RPA3: variants seen among roughly 807,000 people sequenced by gnomAD.
RPA3 encodes the protein replication protein A 14 kDa subunit.
Under a neutral mutation model 13.7 loss-of-function variants are expected in RPA3, and 24 were observed. The ratio of observed to expected loss-of-function variants is 1.75; its 90% CI spans 1.27 to 2.46. The LOEUF (loss-of-function observed/expected upper bound fraction) is 2.46. RPA3 is among the 30% of genes most tolerant of loss of function. RPA3 has a pLI of 0.00. For missense variants in RPA3, 183 were observed against 151.0 expected, an observed-to-expected ratio of 1.21 and a Z score of -1.11; for synonymous variants, 59 against 51.2, an observed-to-expected ratio of 1.15 and a Z score of -0.65.
At chr7:7,691,551 G>A (rs1322453343) in intron 2 of RPA3, among the ~76,000 whole-genome samples, 1 of 152,176 alleles carries the variant, frequency 6.6e-6, no homozygotes, top group Non-Finnish European at 1.5e-5. Flanking sequence ...AGGAGAAGAT[G>A]GGAACTCTGC....
intron 2 of RPA3, among the ~76,000 whole-genome samples, chr7:7,695,981 GT>G (rs34880729): frequency 0.024 from 3,157 of 130,684 alleles, 108 homozygotes; most frequent in African/African-American, 0.084. Flanking sequence ...GTATATCTCC[GT>G]TTTTTTTTTT....
At chr7:7,668,206 C>A (rs550755420) in intron 4 of RPA3, among the ~76,000 whole-genome samples, 1 of 152,130 alleles carries the variant, frequency 6.6e-6, no homozygotes, top group South Asian at 2.1e-4. Flanking sequence ...AGCCACCATG[C>A]CTGGTCCTAC....
chr7:7,694,324 A>G (rs1195882096), intron 2 of RPA3, among the ~76,000 whole-genome samples: 1 of 152,162 alleles, frequency 6.6e-6, no homozygotes, highest in Non-Finnish European at 1.5e-5. Flanking sequence ...TAATCACATC[A>G]GGGTAAATGG....
chr7:7,664,469 G>C (rs12702633), intron 4 of RPA3, among the ~76,000 whole-genome samples: 23,071 of 152,082 alleles, frequency 0.15, 2,158 homozygotes, highest in Middle Eastern at 0.23. Flanking sequence ...CTTTCCTGAC[G>C]CTTACAACTC....
intron 2 of RPA3, among the ~76,000 whole-genome samples, chr7:7,703,287 T>A (rs750513002): frequency 1.3e-5 from 2 of 152,218 alleles, no homozygotes; most frequent in Non-Finnish European, 1.5e-5. Context: ...TCCTGAATTA[T>A]GGAATTCGTG....
chr7:7,683,196 C>G (rs968900894), intron 4 of RPA3, among the ~76,000 whole-genome samples: 3 of 152,132 alleles, frequency 2.0e-5, no homozygotes, highest in African/African-American at 7.2e-5. Context: ...TTAGTTGACT[C>G]AAACGTAAAT....
chr7:7,705,967 T>C (rs1348188782), intron 2 of RPA3, among the ~76,000 whole-genome samples: 2 of 152,118 alleles, frequency 1.3e-5, no homozygotes, highest in African/African-American at 4.8e-5. Context: ...AAAAATAACC[T>C]CTGCTTTAAA....
chr7:7,666,971 C>T (rs988600924), intron 4 of RPA3, among the ~76,000 whole-genome samples: 1 of 152,168 alleles, frequency 6.6e-6, no homozygotes, highest in Non-Finnish European at 1.5e-5. Context: ...CCACATCCAG[C>T]TAATTTTTAT....
chr7:7,662,231 C>T (rs186308295), intron 4 of RPA3, among the ~76,000 whole-genome samples: 1 of 152,286 alleles, frequency 6.6e-6, no homozygotes, highest in African/African-American at 2.4e-5. Context: ...GCCAGTGGAT[C>T]TTAGCTTGCT....
chr7:7,675,128 G>A (rs1044707221), intron 4 of RPA3, among the ~76,000 whole-genome samples: 1 of 152,122 alleles, frequency 6.6e-6, no homozygotes, highest in Non-Finnish European at 1.5e-5. Flanking sequence ...GCCCCCCAAA[G>A]TGTTGGGATT....
At chr7:7,637,782 G>C in intron 7 of RPA3, 82 bp downstream of exon 7, 1 of 567,532 alleles carries the variant, frequency 1.8e-6, no homozygotes, top group Non-Finnish European at 3.2e-6. Flanking sequence ...AAAACTGTAT[G>C]TTATGTAATT....
intron 2 of RPA3, among the ~76,000 whole-genome samples, chr7:7,711,146 T>C (rs1229703111): frequency 6.6e-6 from 1 of 152,162 alleles, no homozygotes; most frequent in African/African-American, 2.4e-5. Context: ...AATATCCTGG[T>C]TGTGGTATTG....
intron 2 of RPA3, among the ~76,000 whole-genome samples, chr7:7,703,505 A>G (rs1010711280): frequency 1.3e-5 from 2 of 152,234 alleles, no homozygotes; most frequent in African/African-American, 4.8e-5. Context: ...ACATAATTTT[A>G]TAAACATCTT....
intron 3 of RPA3, among the ~76,000 whole-genome samples, 183 bp downstream of exon 3, chr7:7,687,033 GTCCTTTGAACTT>G (rs1280236634): frequency 3.3e-5 from 5 of 152,294 alleles, no homozygotes; most frequent in African/African-American, 9.6e-5. Context: ...TGCCATACCA[GTCCTTTGAACTT>G]TCCTTTGAAC....
At chr7:7,684,521 T>G (rs765431099) in intron 4 of RPA3, among the ~76,000 whole-genome samples, 9 of 152,094 alleles carry the variant, frequency 5.9e-5, no homozygotes, top group Non-Finnish European at 1.2e-4. Context: ...CACAAGCAAT[T>G]TTTTTTTCTG....
Position 7,636,801 on chromosome 7 carries a change from T to A in RPA3, c.*199A>T. 3.8e-6 allele frequency: 2 copies of A among 530,778 alleles called. No homozygotes were observed. Among genetic ancestry groups the A allele is most frequent in the Non-Finnish European group, 6.6e-6 (2 of 303,274 alleles). The allele number at this position is 530,778 out of a possible 1,614,324, so 32.9% of individuals were successfully genotyped here. On this transcript the variant is annotated 3_prime_UTR_variant, in exon 8 of 8. Coordinates refer to ENST00000223129, the MANE Select transcript of RPA3 (RefSeq NM_002947.5). ...TTCTTGCATCTAATCTGACCATATA[T>A]TGGAGTAGCAATTCTTTATAAAAGG...
chr7:7,695,202 G>C (rs929808320), intron 2 of RPA3, among the ~76,000 whole-genome samples: 2 of 152,120 alleles, frequency 1.3e-5, no homozygotes, highest in Non-Finnish European at 2.9e-5. Flanking sequence ...GAAGCTCGCT[G>C]TTTCCAAGTA....
chr7:7,643,963 C>T (rs958237716), intron 4 of RPA3, among the ~76,000 whole-genome samples: 1 of 152,078 alleles, frequency 6.6e-6, no homozygotes, highest in Non-Finnish European at 1.5e-5. Flanking sequence ...GCTACTGACC[C>T]GTGAGGATAG....
At chr7:7,702,875 A>G (rs1433089240) in intron 2 of RPA3, among the ~76,000 whole-genome samples, 3 of 152,140 alleles carry the variant, frequency 2.0e-5, no homozygotes. Context: ...ATGAACAGTT[A>G]TTGCTTCACC....
Sources: gnomAD v4.1 joint callset for allele counts (sites outside exome capture counted in the v4.1 genomes callset) on GRCh38, gnomAD v4.1.1 for gene constraint, MANE v1.5 for transcripts, NCBI Gene and HGNC (gene_info 2026-07-23, HGNC 2026-07-21) for gene names.